SHISA8: variants seen among roughly 807,000 people sequenced by gnomAD.
SHISA8 encodes the protein protein shisa-8.
A neutral mutation model predicts 21.1 loss-of-function variants in SHISA8; 21 were observed. The ratio of observed to expected loss-of-function variants is 0.99; its 90% CI spans 0.71 to 1.43. SHISA8 has a LOEUF of 1.43. Ranked by LOEUF, SHISA8 falls within the 40% of genes most tolerant of loss-of-function variation. SHISA8 has a pLI of 0.00. For missense variants in SHISA8, 535 were observed against 599.1 expected (o/e 0.89, Z 1.12); for synonymous variants, 300 against 291.4 (o/e 1.03, Z -0.30).
At position 41,914,502 on chromosome 22, in the gene SHISA8, C is replaced by T. The variant is rs1469237436; in HGVS notation, c.166G>A (p.Gly56Arg). 2 of 1,262,780 alleles carry T rather than the reference C, an allele frequency of 1.6e-6. No individual in the cohort carries two copies. The highest frequency in any genetic ancestry group is 6.4e-5 in the East Asian group (2 of 31,042). The allele number at this position is 1,262,780 out of a possible 1,614,324, so 78.2% of individuals were successfully genotyped here. A position where few individuals can be genotyped will look rare whatever the true frequency, so the allele number is the denominator to read the frequency against. Residue 56 changes from glycine to arginine, a missense_variant, in exon 1 of 4, where the codon GGG (glycine) becomes AGG (arginine). Physicochemically the swap from Gly to Arg is moderately radical, Grantham distance 125 (BLOSUM62 -2). Coordinates refer to ENST00000621082, the MANE Select transcript of SHISA8 (RefSeq NM_001207020.3). The surrounding 1 kb of genome is among the most constrained non-coding windows in gnomAD (Gnocchi z 6.8). ...TAGTAGCCGCGGCAGCGGTCGCCCC[C>T]CTCCGGGGCTGTCGTGCCGGGCGCC... ...PAAPGTTAPE[G>R]GDRCRGYYDV...
intron 1 of SHISA8, among the ~76,000 whole-genome samples, chr22:41,912,822 G>T (rs1218725837): frequency 6.6e-6 from 1 of 152,222 alleles, no homozygotes; most frequent in Non-Finnish European, 1.5e-5. Context: ...CTTTCCTGCG[G>T]CATCACCAAA....
At position 41,909,683 on chromosome 22, in the gene SHISA8, A is replaced by G. The variant is rs2077533697; in HGVS notation, c.*82T>C. The G allele has an allele frequency of 7.6e-7, 1 of 1,324,368 alleles. No homozygotes were observed. Among genetic ancestry groups the G allele is most frequent in the Non-Finnish European group, 9.6e-7 (1 of 1,039,424 alleles). 82.0% of individuals were successfully genotyped at this position (1,324,368 alleles called of 1,614,324 possible). A position where few individuals can be genotyped will look rare whatever the true frequency, so the allele number is the denominator to read the frequency against. Reference sequence around the variant, plus strand: ...CAGACAGAAGAGCTGGCCTTACGGCAGGCGCTCCTCTCCCTGTGGCCTGAG... The same window carrying G: ...CAGACAGAAGAGCTGGCCTTACGGCGGGCGCTCCTCTCCCTGTGGCCTGAG... On this transcript the variant is annotated 3_prime_UTR_variant, in exon 4 of 4. Coordinates refer to ENST00000621082, the MANE Select transcript of SHISA8 (RefSeq NM_001207020.3).
chr22:41,910,551 T>C lies in SHISA8; in HGVS notation c.668A>G (p.Lys223Arg). The change falls in exon 3 of 4, where the codon AAG (lysine) becomes AGG (arginine). Residue 223 changes from lysine (K) to arginine (R), a missense_variant. Transcript: ENST00000621082. The surrounding 1 kb of genome is among the most constrained non-coding windows in gnomAD (Gnocchi z 6.8). ...CCGGGGCGCGTTGTTGAGGCGCTTC[T>C]TGTCTGGAGCGAGGAGTGAGACGCG... ...PRGSPHNSAD[K>R]KRLNNAPRGS... 3.3e-6 allele frequency: 4 copies of C among 1,229,612 alleles called. No homozygotes were observed. The highest frequency in any genetic ancestry group is 4.1e-6 in the Non-Finnish European group (4 of 986,848). The allele number at this position is 1,229,612 out of a possible 1,614,324, so 76.2% of individuals were successfully genotyped here. A position where few individuals can be genotyped will look rare whatever the true frequency, so the allele number is the denominator to read the frequency against.
intron 1 of SHISA8, among the ~76,000 whole-genome samples, chr22:41,913,121 A>G (rs1439399250): frequency 6.6e-6 from 1 of 152,238 alleles, no homozygotes; most frequent in Non-Finnish European, 1.5e-5. Context: ...GGCTTCCCTT[A>G]GAGCTCCCTG....
At position 41,911,038 on chromosome 22, in the gene SHISA8, G is replaced by A. The variant is rs1310428423; in HGVS notation, c.664+178C>T. ...CCCCAGACTCGAGGCCGCAGGACCCGTGGGGGGTCCCTTTCCACCCTGGCG... is the reference window on the plus strand; with the variant it reads ...CCCCAGACTCGAGGCCGCAGGACCCATGGGGGGTCCCTTTCCACCCTGGCG... On this transcript the variant is annotated intron_variant, in intron 2 of 3. Transcript: ENST00000621082. 2.6e-5 allele frequency among the ~76,000 whole-genome samples: 4 copies of A among 152,202 alleles called. No individual in the cohort carries two copies. In the East Asian group the frequency reaches 7.8e-4, roughly 30 times the overall value.
intron 2 of SHISA8, among the ~76,000 whole-genome samples, 176 bp downstream of exon 2, chr22:41,911,040 G>A (rs1461730182): frequency 1.3e-5 from 2 of 152,028 alleles, no homozygotes; most frequent in Non-Finnish European, 2.9e-5. Context: ...CAGGACCCGT[G>A]GGGGGTCCCT....
In SHISA8 at chr22:41,909,716, CG is replaced by C; in HGVS notation, c.*48del. 7.4e-7 allele frequency: 1 copy of C among 1,356,968 alleles called. No homozygotes were observed. The allele number at this position is 1,356,968 out of a possible 1,614,324, so 84.1% of individuals were successfully genotyped here. A position where few individuals can be genotyped will look rare whatever the true frequency, so the allele number is the denominator to read the frequency against. On this transcript the variant is annotated 3_prime_UTR_variant, in exon 4 of 4. Transcript: ENST00000621082. Reference sequence around the variant, plus strand: ...CTCTCCCTGTGGCCTGAGGCTCCGACGGGCAGACAGGACCCCAGCCCATGCC... The same window carrying C: ...CTCTCCCTGTGGCCTGAGGCTCCGACGGCAGACAGGACCCCAGCCCATGCC...
rs2077570114 is a variant in SHISA8 at position 41,914,230 on chromosome 22, G to A, written c.438C>T (p.Cys146=). The A allele has an allele frequency of 3.5e-6, 5 of 1,443,474 alleles. No individual in the cohort carries two copies. The highest frequency in any genetic ancestry group is 1.4e-5 in the South Asian group (1 of 72,518). 89.4% of individuals were successfully genotyped at this position (1,443,474 alleles called of 1,614,324 possible). A position where few individuals can be genotyped will look rare whatever the true frequency, so the allele number is the denominator to read the frequency against. ...CCAGCACCAGCAGCGCTGCGACGCC[G>A]CACACAGCGTAGACGGCCGTATGGC... ...ERSHTAVYAV[C]GVAALLVLAG... The change falls in exon 1 of 4, where the codon TGC becomes TGT. Residue 146 remains cysteine (C), a synonymous_variant. Transcript: ENST00000621082. The surrounding 1 kb of genome is among the most constrained non-coding windows in gnomAD (Gnocchi z 6.8).
chr22:41,914,897 G>GGTCCGC lies in SHISA8; in HGVS notation c.-236_-231dup, dbSNP rs1294223077. ...GGCTCACCTCGGACCCGAGCTGCCC[G>GGTCCGC]GTCCGCGTCCTGAGATCTTCCCCGG... On this transcript the variant is annotated 5_prime_UTR_variant, in exon 1 of 4. Coordinates refer to ENST00000621082, the MANE Select transcript of SHISA8 (RefSeq NM_001207020.3). The surrounding 1 kb of genome is among the most constrained non-coding windows in gnomAD (Gnocchi z 6.8). Among the ~76,000 whole-genome samples the GGTCCGC allele has an allele frequency of 6.6e-6, 1 of 151,294 alleles. No homozygotes were observed. The highest frequency in any genetic ancestry group is 2.4e-5 in the African/African-American group (1 of 41,324).
In SHISA8 at chr22:41,910,169, G is replaced by C. The variant is rs908385835; in HGVS notation, c.812-22C>G. 1 of 1,231,650 alleles carries C rather than the reference G, an allele frequency of 8.1e-7. No individual in the cohort carries two copies. Among genetic ancestry groups the C allele is most frequent in the Non-Finnish European group, 1.0e-6 (1 of 988,918 alleles). 76.3% of individuals were successfully genotyped at this position (1,231,650 alleles called of 1,614,324 possible). ...GCCTCTGCGGGGACAGGGCAGGGAA[G>C]AGTGACGCCGCGCCGAGCACCCAAG... is the stretch of plus-strand genomic sequence containing the variant. On this transcript the variant is annotated intron_variant, in intron 3 of 3. Transcript: ENST00000621082. This position sits in a 1 kb window ranked among gnomAD's most constrained non-coding sequence, Gnocchi z 6.8.
intron 1 of SHISA8, among the ~76,000 whole-genome samples, chr22:41,913,147 C>T (rs930001565): frequency 1.6e-4 from 24 of 152,206 alleles, no homozygotes; most frequent in African/African-American, 4.8e-4. Context: ...AAGTGGGCTA[C>T]GTGGTTTCGG....
At position 41,910,044 on chromosome 22, in the gene SHISA8, C is replaced by T; in HGVS notation, c.915G>A (p.Pro305=). The T allele has an allele frequency of 1.6e-6, 2 of 1,259,194 alleles. No individual in the cohort carries two copies. Among genetic ancestry groups the T allele is most frequent in the Non-Finnish European group, 9.9e-7 (1 of 1,007,822 alleles). 78.0% of individuals were successfully genotyped at this position (1,259,194 alleles called of 1,614,324 possible). The change falls in exon 4 of 4, where the codon CCG becomes CCA. Residue 305 remains proline, a synonymous_variant. Coordinates refer to ENST00000621082, the MANE Select transcript of SHISA8 (RefSeq NM_001207020.3). This position sits in a 1 kb window ranked among gnomAD's most constrained non-coding sequence, Gnocchi z 6.8. Reference sequence around the variant, plus strand: ...GCGGGGCCCAGGGGCAGGCGTCCAGCGGCGCAGGCAAGTCCGGGGATGGTC... The same window carrying T: ...GCGGGGCCCAGGGGCAGGCGTCCAGTGGCGCAGGCAAGTCCGGGGATGGTC... The part of the protein sequence containing the change: ...APRPSPDLPA[P]LDACPWAPPV...
Position 41,911,238 on chromosome 22 carries a change from C to T in SHISA8, c.642G>A (p.Arg214=). 7.8e-7 allele frequency: 1 copy of T among 1,280,574 alleles called. No homozygotes were observed. The highest frequency in any genetic ancestry group is 9.9e-7 in the Non-Finnish European group (1 of 1,014,132). The allele number at this position is 1,280,574 out of a possible 1,614,324, so 79.3% of individuals were successfully genotyped here. A position where few individuals can be genotyped will look rare whatever the true frequency, so the allele number is the denominator to read the frequency against. Residue 214 remains arginine (R), a synonymous_variant, in exon 2 of 4, where the codon CGG becomes CGA. Transcript: ENST00000621082. ...VQVQMGDGLP[R]GSPHNSADKK... is the part of the protein sequence containing the mutation. ...CACCTGCGCTGTTGTGGGGGGAGCCCCGGGGGAGGCCGTCCCCCATCTGCA... is the reference window on the plus strand; with the variant it reads ...CACCTGCGCTGTTGTGGGGGGAGCCTCGGGGGAGGCCGTCCCCCATCTGCA...
rs1271408315 is a variant in SHISA8, at chr22:41,910,030, G to T, written c.929C>A (p.Pro310His). Reference protein sequence around the residue: ...PDLPAPLDACPWAPPVYAPPA... With the variant: ...PDLPAPLDACHWAPPVYAPPA... ...GGGCGCGTAGACCGGCGGGGCCCAG[G>T]GGCAGGCGTCCAGCGGCGCAGGCAA... Residue 310 changes from proline to histidine, a missense_variant, in exon 4 of 4, where the codon CCC becomes CAC. By Grantham distance (77) the Pro-to-His change is moderately conservative (BLOSUM62 -2). Transcript: ENST00000621082. The surrounding 1 kb of genome is among the most constrained non-coding windows in gnomAD (Gnocchi z 6.8). The T allele has an allele frequency of 2.4e-6, 3 of 1,265,034 alleles. No individual in the cohort carries two copies. In the Admixed American group the frequency reaches 1.3e-4, roughly 54 times the overall value. 78.4% of individuals were successfully genotyped at this position (1,265,034 alleles called of 1,614,324 possible).
chr22:41,910,718 G>A lies in SHISA8; in HGVS notation c.665-164C>T, dbSNP rs889960420. The stretch of plus-strand genomic sequence containing the variant: ...GCCTGTCTTCGCCGCAGCCTCCAGC[G>A]CCTGGAACAGGGCCTGGCTCCGAGT... On this transcript the variant is annotated intron_variant, in intron 2 of 3. Coordinates refer to ENST00000621082, the MANE Select transcript of SHISA8 (RefSeq NM_001207020.3). This position sits in a 1 kb window ranked among gnomAD's most constrained non-coding sequence, Gnocchi z 6.8. Among the ~76,000 whole-genome samples the A allele has an allele frequency of 5.3e-5, 8 of 152,118 alleles. No homozygotes were observed. Among genetic ancestry groups the A allele is most frequent in the Non-Finnish European group, 1.0e-4 (7 of 68,012 alleles).
At position 41,910,441 on chromosome 22, in the gene SHISA8, C is replaced by T. The variant is rs1328912081; in HGVS notation, c.778G>A (p.Ala260Thr). The T allele has an allele frequency of 3.0e-6, 4 of 1,354,786 alleles. No individual in the cohort carries two copies. In the Admixed American group the frequency reaches 9.7e-5, roughly 33 times the overall value. The allele number at this position is 1,354,786 out of a possible 1,614,324, so 83.9% of individuals were successfully genotyped here. A position where few individuals can be genotyped will look rare whatever the true frequency, so the allele number is the denominator to read the frequency against. ...LTLQPDYAKYATFKAAALKAA... is the reference protein window; with the variant it reads ...LTLQPDYAKYTTFKAAALKAA... ...TTGAGCGCGGCGGCCTTGAACGTGG[C>T]GTACTTGGCGTAGTCTGGCTGCAGC... The change falls in exon 3 of 4, where the codon GCC becomes ACC. Residue 260 changes from alanine to threonine, a missense_variant. By Grantham distance (58) the Ala-to-Thr change is moderately conservative (BLOSUM62 0). Transcript: ENST00000621082. The surrounding 1 kb of genome is among the most constrained non-coding windows in gnomAD (Gnocchi z 6.8).
In SHISA8 at chr22:41,910,021, G is replaced by C; in HGVS notation, c.938C>G (p.Pro313Arg). ...PAPLDACPWA[P>R]PVYAPPAAPG... ...CGCGGCAGGGGGCGCGTAGACCGGC[G>C]GGGCCCAGGGGCAGGCGTCCAGCGG... The change falls in exon 4 of 4, where the codon CCG (proline) becomes CGG (arginine). Residue 313 changes from proline (P) to arginine (R), a missense_variant. Physicochemically the swap from Pro to Arg is moderately radical, Grantham distance 103 (BLOSUM62 -2). Coordinates refer to ENST00000621082, the MANE Select transcript of SHISA8 (RefSeq NM_001207020.3). The surrounding 1 kb of genome is among the most constrained non-coding windows in gnomAD (Gnocchi z 6.8). The C allele has an allele frequency of 7.9e-7, 1 of 1,268,668 alleles. No homozygotes were observed. Among genetic ancestry groups the C allele is most frequent in the East Asian group, 3.2e-5 (1 of 31,330 alleles). The allele number at this position is 1,268,668 out of a possible 1,614,324, so 78.6% of individuals were successfully genotyped here. A position where few individuals can be genotyped will look rare whatever the true frequency, so the allele number is the denominator to read the frequency against.
Position 41,910,077 on chromosome 22 carries a change from C to T in SHISA8, c.882G>A (p.Arg294=). Residue 294 remains arginine (R), a synonymous_variant, in exon 4 of 4, where the codon CGG becomes CGA. Transcript: ENST00000621082. The surrounding 1 kb of genome is among the most constrained non-coding windows in gnomAD (Gnocchi z 6.8). ...GCAAGTCCGGGGATGGTCGCGGAGC[C>T]CGCGCCGGGGGTTGCCGCGGGGACG... ...LEPSPRQPPA[R]APRPSPDLPA... is the part of the protein sequence containing the mutation. The T allele has an allele frequency of 2.4e-6, 3 of 1,240,146 alleles. No individual in the cohort carries two copies. Among genetic ancestry groups the T allele is most frequent in the Non-Finnish European group, 3.0e-6 (3 of 995,208 alleles). The allele number at this position is 1,240,146 out of a possible 1,614,324, so 76.8% of individuals were successfully genotyped here.
In SHISA8 at chr22:41,914,765, C is replaced by T; in HGVS notation, c.-98G>A. 1 of 892,132 alleles carries T rather than the reference C, an allele frequency of 1.1e-6. No individual in the cohort carries two copies. Among genetic ancestry groups the T allele is most frequent in the Non-Finnish European group, 1.3e-6 (1 of 744,036 alleles). 55.3% of individuals were successfully genotyped at this position (892,132 alleles called of 1,614,324 possible). ...GCTCCCGCAGGGATCGCGCTGGCTC[C>T]CGGCGCACGCCGCCTCGGCCGTCGG... On this transcript the variant is annotated 5_prime_UTR_variant, in exon 1 of 4. Coordinates refer to ENST00000621082, the MANE Select transcript of SHISA8 (RefSeq NM_001207020.3). This position sits in a 1 kb window ranked among gnomAD's most constrained non-coding sequence, Gnocchi z 6.8.
Sources: allele counts gnomAD v4.1 joint callset (sites outside exome capture counted in the v4.1 genomes callset), GRCh38; gene constraint gnomAD v4.1.1; non-coding constraint Gnocchi (gnomAD v3.1); transcripts MANE v1.5; gene names NCBI Gene and HGNC (gene_info 2026-07-23, HGNC 2026-07-21).